Variants in AFDN observed in about 807,000 individuals in gnomAD.
AFDN encodes the protein afadin.
A neutral mutation model predicts 216.6 loss-of-function variants in AFDN; 68 were observed. The observed-to-expected ratio is 0.31, with a 90% CI of 0.26 to 0.38. AFDN has a LOEUF of 0.38. Among genes scored for constraint, AFDN ranks in the 10% least tolerant of loss-of-function variants. The pLI is 1.00. For missense variants in AFDN, 2,136 were observed against 2,342.0 expected (o/e 0.91, Z 1.82); for synonymous variants, 868 against 853.7 (o/e 1.02, Z -0.29).
At chr6:167,883,027 A>G (rs527329398) in intron 6 of AFDN, among the ~76,000 whole-genome samples, 1 of 152,296 alleles carries the variant, frequency 6.6e-6, no homozygotes, top group Admixed American at 6.5e-5. Flanking sequence ...ATTTCAAAAC[A>G]TACAAGGCAA....
rs1797912169 is a variant in AFDN at position 167,969,930 on chromosome 6, A to T, written c.5491A>T (p.Lys1831Ter). The T allele has an allele frequency of 6.2e-7, 1 of 1,605,352 alleles. No individual in the cohort carries two copies. Among genetic ancestry groups the T allele is most frequent in the South Asian group, 1.1e-5 (1 of 88,318 alleles). Residue 1831 changes from lysine (K) to a stop codon, truncating the protein, a stop_gained, in exon 34 of 34, where the codon AAG becomes TAG. Coordinates refer to ENST00000683244, the MANE Select transcript of AFDN (RefSeq NM_001386888.1). LOFTEE classifies it high-confidence loss of function. ...LTELENELNT[K>*] ...AGAACTGGAGAATGAACTGAACACAAAGTGAAAGAAAATGAGGAGAACACT... is the reference window on the plus strand; with the variant it reads ...AGAACTGGAGAATGAACTGAACACATAGTGAAAGAAAATGAGGAGAACACT...
chr6:167,860,994 G>A (rs1281119386), intron 1 of AFDN, among the ~76,000 whole-genome samples: 5 of 152,122 alleles, frequency 3.3e-5, no homozygotes, highest in Admixed American at 6.5e-5. Flanking sequence ...GCAGGTCTGG[G>A]GCCAGTTAAT....
intron 15 of AFDN, among the ~76,000 whole-genome samples, chr6:167,912,586 A>G (rs1790537576): frequency 6.6e-6 from 1 of 152,202 alleles, no homozygotes; most frequent in South Asian, 2.1e-4. Flanking sequence ...TGTTACTTTC[A>G]TGTCATTATT....
chr6:167,846,189 T>A (rs1781655813), intron 1 of AFDN, among the ~76,000 whole-genome samples: 1 of 152,002 alleles, frequency 6.6e-6, no homozygotes, highest in South Asian at 2.1e-4. Flanking sequence ...GGTAGCAGTT[T>A]ATCAGAGCTT....
intron 9 of AFDN, among the ~76,000 whole-genome samples, chr6:167,894,190 G>A (rs975714341): frequency 6.6e-6 from 1 of 152,124 alleles, no homozygotes; most frequent in Non-Finnish European, 1.5e-5. Context: ...GGATGCTGGG[G>A]AGTAAAGACA....
At chr6:167,924,963 TC>T (rs762178285) in intron 22 of AFDN, 41 bp from the exon 23 acceptor site, 6 of 1,399,026 alleles carry the variant, frequency 4.3e-6, no homozygotes, top group East Asian at 4.6e-5. Context: ...CAGAAGCACT[TC>T]CATTTCAGTC....
chr6:167,951,115 T>C lies in AFDN; in HGVS notation c.3832-71T>C. ...TAACAGTTTTTCTTCTGTCTGAAGA[T>C]AAAATGTTTGTGGATATTTGGTAAT... On this transcript the variant is annotated intron_variant, in intron 29 of 33. Coordinates refer to ENST00000683244, the MANE Select transcript of AFDN (RefSeq NM_001386888.1). This position sits in a 1 kb window ranked among gnomAD's most constrained non-coding sequence, Gnocchi z 7.1. 3 of 1,479,144 alleles carry C rather than the reference T, an allele frequency of 2.0e-6. No individual in the cohort carries two copies. Among genetic ancestry groups the C allele is most frequent in the Non-Finnish European group, 2.7e-6 (3 of 1,116,130 alleles). 91.6% of individuals were successfully genotyped at this position (1,479,144 alleles called of 1,614,324 possible).
chr6:167,907,318 A>AAAGT (rs773028816), intron 13 of AFDN, 29 bp downstream of exon 13: 20 of 1,503,196 alleles, frequency 1.3e-5, no homozygotes, highest in Admixed American at 8.4e-5. Context: ...TTCAATGGTG[A>AAAGT]AAGTACTGAA....
chr6:167,840,318 C>G (rs544423280), intron 1 of AFDN, among the ~76,000 whole-genome samples: 159 of 152,346 alleles, frequency 1.0e-3, no homozygotes, highest in Non-Finnish European at 1.6e-3. Flanking sequence ...TGTACTGTTC[C>G]TCGTTATTCA....
intron 1 of AFDN, among the ~76,000 whole-genome samples, chr6:167,855,541 C>G (rs1325247579): frequency 6.6e-6 from 1 of 151,986 alleles, no homozygotes; most frequent in African/African-American, 2.4e-5. Flanking sequence ...GTCCAGTCAC[C>G]TTTCTTATTT....
chr6:167,947,428 C>T (rs1036413349), intron 27 of AFDN, among the ~76,000 whole-genome samples: 2 of 152,160 alleles, frequency 1.3e-5, no homozygotes, highest in African/African-American at 4.8e-5. Context: ...ATCTGCCCGC[C>T]TTGGCCTCCC....
At chr6:167,944,375 G>C (rs926997680) in intron 26 of AFDN, among the ~76,000 whole-genome samples, 1 of 152,156 alleles carries the variant, frequency 6.6e-6, no homozygotes, top group Non-Finnish European at 1.5e-5. Flanking sequence ...TGAATGTGAC[G>C]TGTTAAGGAT....
rs199870050 is a variant in AFDN at position 167,948,303 on chromosome 6, C to T, written c.3656C>T (p.Pro1219Leu). 6 of 1,611,566 alleles carry T rather than the reference C, an allele frequency of 3.7e-6. No individual in the cohort carries two copies. In the African/African-American group the frequency reaches 5.3e-5, roughly 14 times the overall value. ...CTTCACATTTTACAGGAGCAGACGC[C>T]TCCGCCTAGACCTGAAGCCTACCCC... ...TGNLCTEEQT[P>L]PPRPEAYPIP... Residue 1219 changes from proline to leucine, a missense_variant, in exon 29 of 34, where the codon CCT becomes CTT. Pro to Leu is a moderately conservative substitution (Grantham distance 98, BLOSUM62 -3). Around this residue, in one of 8 missense-constraint regions of AFDN, gnomAD observed 981 missense variants for 966.0 expected, o/e 1.02. Transcript: ENST00000683244.
Position 167,914,689 on chromosome 6 carries a change from A to C in AFDN, c.2250A>C (p.Pro750=), listed in dbSNP as rs1790817570. 6.2e-7 allele frequency: 1 copy of C among 1,613,646 alleles called. No homozygotes were observed. Among genetic ancestry groups the C allele is most frequent in the South Asian group, 1.1e-5 (1 of 91,088 alleles). ...CLQSELNNYM[P]AFLDDPEENS... is the part of the protein sequence containing the mutation. ...AATCAGAACTTAATAATTACATGCC[A>C]GCCTTTCTAGATGACCCTGAAGAGA... The change falls in exon 18 of 34, where the codon CCA becomes CCC. Residue 750 remains proline (P), a synonymous_variant. Transcript: ENST00000683244.
intron 1 of AFDN, among the ~76,000 whole-genome samples, chr6:167,854,298 C>G (rs1047296912): frequency 6.6e-6 from 1 of 151,862 alleles, no homozygotes; most frequent in Admixed American, 6.6e-5. Context: ...TTGGTTCGTT[C>G]TTCACAAATT....
chr6:167,883,844 C>A lies in AFDN; in HGVS notation c.897+3327C>A, dbSNP rs146144834. Among the ~76,000 whole-genome samples, 169 of 151,780 alleles carry A rather than the reference C, an allele frequency of 1.1e-3. 2 individuals carry two copies. The highest frequency in any genetic ancestry group is 4.1e-3 in the African/African-American group (168 of 41,286). On this transcript the variant is annotated intron_variant, in intron 6 of 33. Transcript: ENST00000683244. ...TTGGCTGTGGCAACTCCCTAAAATA[C>A]AACAAATGAAGTTTGCTGCATTGAT...
At chr6:167,911,253 T>A in intron 14 of AFDN, 31 bp from the exon 15 acceptor site, 1 of 1,605,816 alleles carries the variant, frequency 6.2e-7, no homozygotes, top group Non-Finnish European at 8.5e-7. Flanking sequence ...TCTTTTTTCC[T>A]TTTTTCTTTG....
intron 1 of AFDN, among the ~76,000 whole-genome samples, chr6:167,847,155 T>C (rs1363922559): frequency 2.6e-5 from 4 of 152,210 alleles, no homozygotes; most frequent in Non-Finnish European, 2.9e-5. Context: ...TATCTTCTGA[T>C]GCAGCAGCAG....
At position 167,966,220 on chromosome 6, in the gene AFDN, C is replaced by G. The variant is rs555093244; in HGVS notation, c.5257+175C>G. ...AGTACTGCTCACAAAAAAGGCCAGC[C>G]CCTGCCCCCTCCAAAAAAATCCAGC... On this transcript the variant is annotated intron_variant, in intron 32 of 33. Transcript: ENST00000683244. The G allele has an allele frequency of 3.8e-4, 577 of 1,533,024 alleles. 5 individuals carry two copies. In the South Asian group the frequency reaches 5.8e-3, roughly 15 times the overall value. The allele number at this position is 1,533,024 out of a possible 1,614,324, so 95.0% of individuals were successfully genotyped here. A position where few individuals can be genotyped will look rare whatever the true frequency, so the allele number is the denominator to read the frequency against.
Sources: gnomAD v4.1 joint callset for allele counts (sites outside exome capture counted in the v4.1 genomes callset) on GRCh38, gnomAD v4.1.1 for gene constraint, gnomAD v4.1.1 regional missense constraint, Gnocchi (gnomAD v3.1) non-coding constraint, MANE v1.5 for transcripts, NCBI Gene and HGNC (gene_info 2026-07-23, HGNC 2026-07-21) for gene names.